Variants in VPS53 observed in about 807,000 individuals in gnomAD.
The protein encoded by VPS53 is VPS53 subunit of GARP complex.
A neutral mutation model predicts 107.0 loss-of-function variants in VPS53; 70 were observed. The observed-to-expected ratio is 0.65, with a 90% CI of 0.54 to 0.80. The LOEUF is 0.80. Among genes scored for constraint, VPS53 ranks in the 30% least tolerant of loss-of-function variants. VPS53 has a pLI of 0.00. For missense variants in VPS53, 917 were observed against 1,049.4 expected, an observed-to-expected ratio of 0.87 and a Z score of 1.74; for synonymous variants, 409 against 393.3, an observed-to-expected ratio of 1.04 and a Z score of -0.47.
At position 658,987 on chromosome 17, in the gene VPS53, A is replaced by G. The variant is rs1416464077; in HGVS notation, c.372+2822T>C. Among the ~76,000 whole-genome samples the G allele has an allele frequency of 3.9e-5, 6 of 152,140 alleles. No homozygotes were observed. The East Asian group carries it at 9.7e-4, about 25-fold the overall frequency. On this transcript the variant is annotated intron_variant, in intron 5 of 21. Transcript: ENST00000437048. The stretch of plus-strand genomic sequence containing the variant: ...AAGCCTCTTTCATGGGGACTTCCCC[A>G]TCAAGCCTTCTCTCCTGTAACCTCC...
chr17:696,213 C>T (rs1460777396), intron 4 of VPS53, among the ~76,000 whole-genome samples: 1 of 151,900 alleles, frequency 6.6e-6, no homozygotes, highest in East Asian at 1.9e-4. Flanking sequence ...TGGAAAGTGA[C>T]TATAAAGTGG....
Position 534,574 on chromosome 17 carries a change from C to A in VPS53, c.2016-1663G>T, listed in dbSNP as rs557988923. On this transcript the variant is annotated intron_variant, in intron 18 of 21. Coordinates refer to ENST00000437048, the MANE Select transcript of VPS53 (RefSeq NM_001128159.3). ...AGCAACATGAAACTGAACTCATGAC[C>A]AATGGCAGCTGTGCACACAGCGCTT... Among the ~76,000 whole-genome samples, 3 of 152,264 alleles carry A rather than the reference C, an allele frequency of 2.0e-5. No individual in the cohort carries two copies. The East Asian group carries it at 5.8e-4, about 29-fold the overall frequency.
chr17:655,203 AG>A (rs1419311653), intron 6 of VPS53, among the ~76,000 whole-genome samples: 3 of 152,206 alleles, frequency 2.0e-5, no homozygotes, highest in Non-Finnish European at 2.9e-5. Context: ...GAATCTTGCT[AG>A]TAAAGGAGGC....
intron 8 of VPS53, 146 bp downstream of exon 8, chr17:631,403 TG>T: frequency 1.4e-6 from 1 of 727,694 alleles, no homozygotes; most frequent in Non-Finnish European, 2.4e-6. Context: ...AAATCCAGGG[TG>T]GTCTCATTAC....
Position 623,610 on chromosome 17 carries a change from C to T in VPS53, c.1039G>A (p.Ala347Thr). The T allele has an allele frequency of 1.9e-6, 3 of 1,613,880 alleles. No homozygotes were observed. Among genetic ancestry groups the T allele is most frequent in the Non-Finnish European group, 2.5e-6 (3 of 1,179,870 alleles). ...KEIEVKLLLF[A>T]IQRTTNFEGF... ...TCAAAGTTAGTTGTTCTTTGAATAG[C>T]AAAAAGAAGCAATTTCACTTCAATT... The change falls in exon 11 of 22, where the codon GCT becomes ACT. Residue 347 changes from alanine to threonine, a missense_variant. Coordinates refer to ENST00000437048, the MANE Select transcript of VPS53 (RefSeq NM_001128159.3).
At position 562,590 on chromosome 17, in the gene VPS53, G is replaced by C. The variant is rs1422461850; in HGVS notation, c.1469C>G (p.Thr490Ser). 3 of 1,614,056 alleles carry C rather than the reference G, an allele frequency of 1.9e-6. No individual in the cohort carries two copies. The South Asian group carries it at 3.3e-5, about 18-fold the overall frequency. ...KCMVQCSQLS[T>S]GEPMIALTTI... is the part of the protein sequence containing the mutation. ...GGTCAGGGCGATCATGGGCTCCCCA[G>C]TACTGAGCTGAGAGCATTGCACCAT... Residue 490 changes from threonine (T) to serine (S), a missense_variant, in exon 14 of 22, where the codon ACT (threonine) becomes AGT (serine). Thr to Ser is a moderately conservative substitution (Grantham distance 58). Transcript: ENST00000437048.
At chr17:639,038 T>C (rs968512481) in intron 7 of VPS53, among the ~76,000 whole-genome samples, 2 of 152,202 alleles carry the variant, frequency 1.3e-5, no homozygotes, top group African/African-American at 4.8e-5. Flanking sequence ...ATTCTCCCCA[T>C]CACTTTCAGG....
intron 17 of VPS53, among the ~76,000 whole-genome samples, chr17:551,384 T>C (rs961778244): frequency 3.3e-5 from 5 of 151,936 alleles, no homozygotes; most frequent in Non-Finnish European, 5.9e-5. Context: ...CTGGGCAACA[T>C]AGCAAGACTC....
At chr17:666,570 A>G (rs1971698990) in intron 4 of VPS53, among the ~76,000 whole-genome samples, 1 of 152,184 alleles carries the variant, frequency 6.6e-6, no homozygotes, top group African/African-American at 2.4e-5. Flanking sequence ...AGGCTGAGAC[A>G]GGATAATCGC....
At chr17:712,114 C>A (rs1390323364) in intron 1 of VPS53, among the ~76,000 whole-genome samples, 2 of 150,146 alleles carry the variant, frequency 1.3e-5, no homozygotes, top group Non-Finnish European at 3.0e-5. Flanking sequence ...CCACACCCGG[C>A]CTTCATGGGC....
At chr17:694,133 G>C (rs1460792576) in intron 4 of VPS53, among the ~76,000 whole-genome samples, 1 of 152,172 alleles carries the variant, frequency 6.6e-6, no homozygotes, top group East Asian at 1.9e-4. Flanking sequence ...AGACAGATGG[G>C]GCCATGACAG....
chr17:643,028 GAGGACAACACTCATACTTGGAAATCA>G (rs1212182555), intron 7 of VPS53, among the ~76,000 whole-genome samples: 5 of 124,498 alleles, frequency 4.0e-5, no homozygotes, highest in East Asian at 2.3e-4. Flanking sequence ...CTTGGAAAGC[GAGGACAACACTCATACTTGGAAATCA>G]AGGACAACAC....
chr17:692,196 G>A (rs1389067780), intron 4 of VPS53, among the ~76,000 whole-genome samples: 5 of 151,846 alleles, frequency 3.3e-5, no homozygotes, highest in African/African-American at 9.7e-5. Flanking sequence ...CCTCTAACCC[G>A]CCCCTCTATT....
At chr17:695,830 G>A (rs976433223) in intron 4 of VPS53, among the ~76,000 whole-genome samples, 1 of 152,198 alleles carries the variant, frequency 6.6e-6, no homozygotes, top group Non-Finnish European at 1.5e-5. Flanking sequence ...GGGATTGCAG[G>A]TGTGGGCCAC....
At chr17:664,305 C>CCTGACCTCGTGAT (rs1276689499) in intron 4 of VPS53, among the ~76,000 whole-genome samples, 3 of 152,152 alleles carry the variant, frequency 2.0e-5, no homozygotes, top group Non-Finnish European at 4.4e-5. Flanking sequence ...GTCTCGATCT[C>CCTGACCTCGTGAT]CTGACCTCGT....
intron 12 of VPS53, among the ~76,000 whole-genome samples, chr17:598,124 G>A (rs1368169507): frequency 6.6e-6 from 1 of 152,192 alleles, no homozygotes; most frequent in Non-Finnish European, 1.5e-5. Flanking sequence ...GGCTCGCGCC[G>A]CCACACCTGA....
intron 2 of VPS53, among the ~76,000 whole-genome samples, chr17:706,438 G>A (rs1035297123): frequency 4.0e-5 from 6 of 151,588 alleles, no homozygotes; most frequent in South Asian, 2.1e-4. Flanking sequence ...TCAGGAGGCT[G>A]AGGCGGGAGA....
intron 18 of VPS53, 126 bp from the exon 19 acceptor site, chr17:533,037 C>T (rs1033721829): frequency 5.7e-5 from 82 of 1,429,176 alleles, no homozygotes; most frequent in Non-Finnish European, 6.5e-5. Flanking sequence ...GTGGACTCCA[C>T]TGTTGCCCAT....
At chr17:681,421 C>T (rs1972390518) in intron 4 of VPS53, among the ~76,000 whole-genome samples, 1 of 152,232 alleles carries the variant, frequency 6.6e-6, no homozygotes, top group Non-Finnish European at 1.5e-5. Flanking sequence ...AGGCGTGAGC[C>T]ACTGCGCCCG....
Sources: gnomAD v4.1 joint callset for allele counts (sites outside exome capture counted in the v4.1 genomes callset) on GRCh38, gnomAD v4.1.1 for gene constraint, MANE v1.5 for transcripts, NCBI Gene and HGNC (gene_info 2026-07-23, HGNC 2026-07-21) for gene names.